The following TFDP1 variants were observed in gnomAD, a reference collection of about 807,000 sequenced individuals.
TFDP1 encodes the protein DRTF1-polypeptide 1.
TFDP1 carries 6 observed loss-of-function variants against 48.0 expected under a neutral mutation model. That is an observed-to-expected ratio of 0.13 (90% confidence interval 0.07 to 0.25). The LOEUF (loss-of-function observed/expected upper bound fraction) is 0.25. Among genes scored for constraint, TFDP1 ranks in the 10% least tolerant of loss-of-function variants. The pLI is 1.00. For synonymous variants in TFDP1, 201 were observed against 211.6 expected (o/e 0.95, Z 0.44); for missense variants, 335 against 543.0 (o/e 0.62, Z 3.81).
In TFDP1 at chr13:113,633,741, T is replaced by C; in HGVS notation, c.475-149T>C. Reference sequence around the variant, plus strand: ...CACAGCCCCGTCTTGCCCTGCGTCATCTGTGGGGTGGGAGCGCTCCCTGAG... The same window carrying C: ...CACAGCCCCGTCTTGCCCTGCGTCACCTGTGGGGTGGGAGCGCTCCCTGAG... On this transcript the variant is annotated intron_variant, in intron 6 of 11. Transcript: ENST00000375370. This position sits in a 1 kb window ranked among gnomAD's most constrained non-coding sequence, Gnocchi z 4.5. 2.2e-6 allele frequency: 2 copies of C among 897,288 alleles called. No individual in the cohort carries two copies. The highest frequency in any genetic ancestry group is 3.4e-6 in the Non-Finnish European group (2 of 585,902). 55.6% of individuals were successfully genotyped at this position (897,288 alleles called of 1,614,324 possible). A position where few individuals can be genotyped will look rare whatever the true frequency, so the allele number is the denominator to read the frequency against.
In TFDP1 at chr13:113,640,360, T is replaced by A. The variant is rs1456073515; in HGVS notation, c.*93T>A. On this transcript the variant is annotated 3_prime_UTR_variant, in exon 12 of 12. Coordinates refer to ENST00000375370, the MANE Select transcript of TFDP1 (RefSeq NM_007111.5). ...GGTTTTCTGTTTCCTTTTGGCCTACTCCCAAGAAGATATTGGTAAGCTATT... is the reference window on the plus strand; with the variant it reads ...GGTTTTCTGTTTCCTTTTGGCCTACACCCAAGAAGATATTGGTAAGCTATT... The A allele has an allele frequency of 6.6e-7, 1 of 1,511,664 alleles. No individual in the cohort carries two copies. Among genetic ancestry groups the A allele is most frequent in the Admixed American group, 2.3e-5 (1 of 43,516 alleles). The allele number at this position is 1,511,664 out of a possible 1,614,324, so 93.6% of individuals were successfully genotyped here.
At chr13:113,616,779 T>C (rs991051445) in intron 3 of TFDP1, among the ~76,000 whole-genome samples, 3 of 152,164 alleles carry the variant, frequency 2.0e-5, no homozygotes, top group Non-Finnish European at 2.9e-5. Context: ...GCACTGGTCT[T>C]TGTAGAGCTG....
chr13:113,634,418 C>T (rs1289797850), intron 7 of TFDP1, 116 bp from the exon 8 acceptor site: 5 of 883,494 alleles, frequency 5.7e-6, no homozygotes, highest in African/African-American at 3.4e-5. Context: ...CATATCCCTT[C>T]GATTACATTC....
At chr13:113,626,899 T>G (rs4150763) in intron 4 of TFDP1, among the ~76,000 whole-genome samples, 21 of 152,188 alleles carry the variant, frequency 1.4e-4, no homozygotes, top group Non-Finnish European at 2.4e-4. Flanking sequence ...AGCACCACTT[T>G]CGTCTTTACT....
rs4150703 is a variant in TFDP1, at chr13:113,598,262, A to C, written c.12+12413A>C. On this transcript the variant is annotated intron_variant, in intron 2 of 11. Coordinates refer to ENST00000375370, the MANE Select transcript of TFDP1 (RefSeq NM_007111.5). This position sits in a 1 kb window ranked among gnomAD's most constrained non-coding sequence, Gnocchi z 4.2. ...GAGGCAGGATGCAAGCACCTTTTTAACGGCTGTGGAACTGATGTATGGGTT... is the reference window on the plus strand; with the variant it reads ...GAGGCAGGATGCAAGCACCTTTTTACCGGCTGTGGAACTGATGTATGGGTT... Among the ~76,000 whole-genome samples, 1 of 151,950 alleles carries C rather than the reference A, an allele frequency of 6.6e-6. No homozygotes were observed. The highest frequency in any genetic ancestry group is 1.5e-5 in the Non-Finnish European group (1 of 67,980).
At position 113,633,069 on chromosome 13, in the gene TFDP1, T is replaced by C; in HGVS notation, c.309-51T>C. On this transcript the variant is annotated intron_variant, in intron 5 of 11. Transcript: ENST00000375370. This position sits in a 1 kb window ranked among gnomAD's most constrained non-coding sequence, Gnocchi z 4.5. ...GGTAAAAGCATTCCTCGATTCAGGC[T>C]GATCCTCAGGAGGGCTGACAGTCGC... is the stretch of plus-strand genomic sequence containing the variant. 6.2e-7 allele frequency: 1 copy of C among 1,609,792 alleles called. No homozygotes were observed. The highest frequency in any genetic ancestry group is 1.1e-5 in the South Asian group (1 of 90,716).
intron 2 of TFDP1, among the ~76,000 whole-genome samples, chr13:113,600,426 G>GAGAGAGAACCC (rs2048389069): frequency 6.8e-6 from 1 of 146,750 alleles, no homozygotes; most frequent in African/African-American, 2.5e-5. Context: ...CTCCAGGACT[G>GAGAGAGAACCC]TGAGAGAGAA....
In TFDP1 at chr13:113,623,647, C is replaced by T. The variant is rs975792117; in HGVS notation, c.186+361C>T. Among the ~76,000 whole-genome samples the T allele has an allele frequency of 3.9e-5, 6 of 152,158 alleles. No homozygotes were observed. The highest frequency in any genetic ancestry group is 7.4e-5 in the Non-Finnish European group (5 of 68,012). On this transcript the variant is annotated intron_variant, in intron 4 of 11. Transcript: ENST00000375370. This position sits in a 1 kb window ranked among gnomAD's most constrained non-coding sequence, Gnocchi z 5.2. ...ACAGGGGCTTCTTACGTGATGTGGC[C>T]GAGCGTTGGCTGTGGCCCTCCTGGA...
At chr13:113,603,961 G>A (rs4150716) in intron 2 of TFDP1, among the ~76,000 whole-genome samples, 75 of 152,144 alleles carry the variant, frequency 4.9e-4, no homozygotes, top group African/African-American at 1.7e-3. Context: ...CCAGGAGTTC[G>A]AGACCAGCCT....
intron 3 of TFDP1, among the ~76,000 whole-genome samples, chr13:113,620,469 C>T (rs1201203170): frequency 6.6e-6 from 1 of 152,232 alleles, no homozygotes; most frequent in Non-Finnish European, 1.5e-5. Flanking sequence ...GACTCGTTTG[C>T]AAATTTTAAA....
In TFDP1 at chr13:113,599,065, C is replaced by T. The variant is rs192252411; in HGVS notation, c.13-11931C>T. 1.1e-3 allele frequency among the ~76,000 whole-genome samples: 172 copies of T among 152,182 alleles called. 1 individual carries two copies. The highest frequency in any genetic ancestry group is 7.5e-3 in the South Asian group (36 of 4,814). ...TTTTTGGTGATTGTTTCTGGGGATG[C>T]CCTAGATGTGTGTGTTTAAATACAC... On this transcript the variant is annotated intron_variant, in intron 2 of 11. Coordinates refer to ENST00000375370, the MANE Select transcript of TFDP1 (RefSeq NM_007111.5).
At chr13:113,634,419 G>T (rs1221655683) in intron 7 of TFDP1, 115 bp from the exon 8 acceptor site, 6 of 891,938 alleles carry the variant, frequency 6.7e-6, no homozygotes, top group South Asian at 1.6e-5. Context: ...ATATCCCTTC[G>T]ATTACATTCT....
chr13:113,623,139 A>G lies in TFDP1; in HGVS notation c.80-41A>G, dbSNP rs756909258. 11 of 1,563,370 alleles carry G rather than the reference A, an allele frequency of 7.0e-6. No individual in the cohort carries two copies. The South Asian group carries it at 1.3e-4, about 18-fold the overall frequency. On this transcript the variant is annotated intron_variant, in intron 3 of 11. Coordinates refer to ENST00000375370, the MANE Select transcript of TFDP1 (RefSeq NM_007111.5). The surrounding 1 kb of genome is among the most constrained non-coding windows in gnomAD (Gnocchi z 5.2). ...ATGGTCGCTTGTAGCCTTAACTTAG[A>G]AAAGGAGTCTCGCCCTTGACCTGGT...
At chr13:113,624,112 G>A (rs922041868) in intron 4 of TFDP1, among the ~76,000 whole-genome samples, 4 of 152,070 alleles carry the variant, frequency 2.6e-5, no homozygotes, top group Non-Finnish European at 4.4e-5. Context: ...CTGTGGCCCC[G>A]CCTGGGCAGC....
Position 113,590,373 on chromosome 13 carries a change from C to T in TFDP1, c.12+4524C>T, listed in dbSNP as rs574788042. Among the ~76,000 whole-genome samples the T allele has an allele frequency of 6.6e-5, 10 of 152,292 alleles. No individual in the cohort carries two copies. The East Asian group carries it at 1.9e-3, about 29-fold the overall frequency. On this transcript the variant is annotated intron_variant, in intron 2 of 11. Transcript: ENST00000375370. ...AATGCCAAGAGGGGACCAATGAGCT[C>T]CTCTAAGGGTCTACCACCAGGTGTC...
In TFDP1 at chr13:113,627,834, G is replaced by A. The variant is rs1045214861; in HGVS notation, c.187-3789G>A. Among the ~76,000 whole-genome samples, 1 of 152,120 alleles carries A rather than the reference G, an allele frequency of 6.6e-6. No homozygotes were observed. On this transcript the variant is annotated intron_variant, in intron 4 of 11. Transcript: ENST00000375370. The surrounding 1 kb of genome is among the most constrained non-coding windows in gnomAD (Gnocchi z 4.1). ...TCTTCCCGAAACTACCCCCGACTCC[G>A]GTCTGTGGAAAAACTGTCTTCCACA...
chr13:113,631,389 G>A (rs534910024), intron 4 of TFDP1, among the ~76,000 whole-genome samples: 2 of 152,266 alleles, frequency 1.3e-5, no homozygotes, highest in South Asian at 4.1e-4. Context: ...TTGTCTAATT[G>A]GAGAAGATGC....
At chr13:113,614,404 G>A (rs2048806292) in intron 3 of TFDP1, among the ~76,000 whole-genome samples, 2 of 152,216 alleles carry the variant, frequency 1.3e-5, no homozygotes, top group Admixed American at 6.5e-5. Context: ...AGCCGTTGCA[G>A]CTGCTTTTTG....
At chr13:113,630,947 G>T (rs936263652) in intron 4 of TFDP1, among the ~76,000 whole-genome samples, 1 of 152,196 alleles carries the variant, frequency 6.6e-6, no homozygotes, top group African/African-American at 2.4e-5. Flanking sequence ...CCCCAGGGGC[G>T]TGTGGAGCCC....
Sources: gnomAD v4.1 joint callset for allele counts (sites outside exome capture counted in the v4.1 genomes callset) on GRCh38, gnomAD v4.1.1 for gene constraint, Gnocchi (gnomAD v3.1) non-coding constraint, MANE v1.5 for transcripts, NCBI Gene and HGNC (gene_info 2026-07-23, HGNC 2026-07-21) for gene names.